The following SH3RF2 variants were observed in gnomAD, a reference collection of about 807,000 sequenced individuals.
SH3RF2 encodes the protein E3 ubiquitin-protein ligase SH3RF2.
In SH3RF2, 43 loss-of-function variants were observed where a neutral mutation model predicts 59.0. That is an observed-to-expected ratio of 0.73 (90% CI 0.57 to 0.94). The LOEUF is 0.94. Among genes scored for constraint, SH3RF2 ranks in the 40% least tolerant of loss-of-function variants. The pLI is 0.00. For synonymous variants in SH3RF2, 391 were observed against 391.5 expected (o/e 1.00, Z 0.01); for missense variants, 930 against 940.1 (o/e 0.99, Z 0.14).
chr5:146,022,037 C>G (rs1470808788), intron 5 of SH3RF2, among the ~76,000 whole-genome samples: 1 of 152,108 alleles, frequency 6.6e-6, no homozygotes, highest in African/African-American at 2.4e-5. Flanking sequence ...CAATCCCTAT[C>G]CTGTTATTTT....
intron 7 of SH3RF2, among the ~76,000 whole-genome samples, chr5:146,051,643 T>A (rs1762500375): frequency 6.6e-6 from 1 of 152,120 alleles, no homozygotes; most frequent in South Asian, 2.1e-4. Flanking sequence ...TAGTGACTGC[T>A]CCATAAAACG....
exon 10 of SH3RF2, chr5:146,081,690 T>C (rs1763427391): frequency 6.6e-6 from 1 of 152,198 alleles, no homozygotes; most frequent in African/African-American, 2.4e-5. Context: ...TTGCCAAAAA[T>C]ATGCATTCTT....
intron 5 of SH3RF2, among the ~76,000 whole-genome samples, chr5:146,030,686 C>T (rs1761709351): frequency 6.7e-6 from 1 of 149,868 alleles, no homozygotes; most frequent in Non-Finnish European, 1.5e-5. Context: ...GGTCCAAATG[C>T]ACCTGCTGCC....
exon 10 of SH3RF2, chr5:146,081,769 C>T (rs1763428589): frequency 6.6e-6 from 1 of 150,748 alleles, no homozygotes; most frequent in African/African-American, 2.4e-5. Context: ...TTTATTTTCA[C>T]TTAATAGGTT....
intron 2 of SH3RF2, among the ~76,000 whole-genome samples, chr5:145,980,289 G>A (rs569768237): frequency 1.6e-4 from 24 of 152,136 alleles, no homozygotes; most frequent in Non-Finnish European, 2.9e-4. Context: ...TTAGGTGTAT[G>A]TTTTTCCAGG....
intron 2 of SH3RF2, among the ~76,000 whole-genome samples, chr5:145,939,330 G>T (rs143264935): frequency 1.7e-3 from 258 of 152,354 alleles, no homozygotes; most frequent in African/African-American, 5.8e-3. Flanking sequence ...TGGCAGCAGT[G>T]TCCCACATCT....
chr5:146,036,660 A>C (rs1303980789), intron 5 of SH3RF2, among the ~76,000 whole-genome samples: 2 of 152,104 alleles, frequency 1.3e-5, no homozygotes, highest in African/African-American at 4.8e-5. Flanking sequence ...ACGTCACTGC[A>C]CTCCAGTCTG....
intron 5 of SH3RF2, among the ~76,000 whole-genome samples, chr5:146,045,278 C>T (rs1162345384): frequency 6.6e-6 from 1 of 152,198 alleles, no homozygotes; most frequent in African/African-American, 2.4e-5. Flanking sequence ...CTAAGAGTTC[C>T]TCAGGAGGGT....
At position 146,056,053 on chromosome 5, in the gene SH3RF2, G is replaced by A; in HGVS notation, c.1395G>A (p.Val465=). ...CATGGACGTTATCCACCTCCTCTGT[G>A]TCCTCCCAAGGCAGCATTTCAGAAG... is the stretch of plus-strand genomic sequence containing the variant. The part of the protein sequence containing the change: ...YTTWTLSTSS[V]SSQGSISEGD... The change falls in exon 8 of 10, where the codon GTG becomes GTA. Residue 465 remains valine (V), a synonymous_variant. Transcript: ENST00000359120. 6.2e-7 allele frequency: 1 copy of A among 1,614,200 alleles called. No homozygotes were observed. The highest frequency in any genetic ancestry group is 1.7e-5 in the Admixed American group (1 of 60,028).
At chr5:145,975,526 C>G (rs1034618155) in intron 2 of SH3RF2, among the ~76,000 whole-genome samples, 9 of 152,210 alleles carry the variant, frequency 5.9e-5, no homozygotes, top group African/African-American at 1.9e-4. Context: ...TGTGCTAGTC[C>G]TAGCTCCCAC....
chr5:145,959,746 G>A (rs1391296073), intron 2 of SH3RF2, among the ~76,000 whole-genome samples: 1 of 151,796 alleles, frequency 6.6e-6, no homozygotes, highest in Non-Finnish European at 1.5e-5. Flanking sequence ...AGGGCTGAAG[G>A]ACTGGTTTGA....
intron 5 of SH3RF2, among the ~76,000 whole-genome samples, chr5:146,042,409 T>A (rs1234507088): frequency 3.9e-5 from 6 of 152,192 alleles, no homozygotes; most frequent in African/African-American, 1.4e-4. Flanking sequence ...TGCTAAATAG[T>A]TTATATGGAT....
chr5:146,013,822 G>GT lies in SH3RF2; in HGVS notation c.821dup (p.Ser275ValfsTer13), dbSNP rs1761003813. The GT allele has an allele frequency of 6.2e-7, 1 of 1,613,994 alleles. No individual in the cohort carries two copies. The highest frequency in any genetic ancestry group is 8.5e-7 in the Non-Finnish European group (1 of 1,180,018). The stretch of plus-strand genomic sequence containing the variant: ...ATCCCGCACAAAAAACCTGTCCCTG[G>GT]TGTCCTCGTCCTCCAGAGGCAACAC... On this transcript the variant is annotated frameshift_variant, in exon 5 of 10. Coordinates refer to ENST00000359120, the MANE Select transcript of SH3RF2 (RefSeq NM_152550.4). LOFTEE classifies it high-confidence loss of function.
chr5:145,937,819 G>A lies in SH3RF2; in HGVS notation c.-106-4G>A, dbSNP rs1757653711. On this transcript the variant is annotated splice_polypyrimidine_tract_variant and splice_region_variant and intron_variant, in intron 1 of 9. Coordinates refer to ENST00000359120, the MANE Select transcript of SH3RF2 (RefSeq NM_152550.4). ...TTTTTCTCTCCTCTCCCTCCTTCAA[G>A]CAGGCAAAAATTCTGACGTTCTCAA... is the stretch of plus-strand genomic sequence containing the variant. 7.3e-7 allele frequency: 1 copy of A among 1,364,974 alleles called. No homozygotes were observed. Among genetic ancestry groups the A allele is most frequent in the African/African-American group, 1.5e-5 (1 of 68,562 alleles). The allele number at this position is 1,364,974 out of a possible 1,614,324, so 84.6% of individuals were successfully genotyped here. A position where few individuals can be genotyped will look rare whatever the true frequency, so the allele number is the denominator to read the frequency against.
rs78562450 is a variant in SH3RF2 at position 146,016,249 on chromosome 5, T to C, written c.1059+2188T>C. On this transcript the variant is annotated intron_variant, in intron 5 of 9. Coordinates refer to ENST00000359120, the MANE Select transcript of SH3RF2 (RefSeq NM_152550.4). ...AATGCTTGCAATGTGCTAGTAACCATAGTGAGTACTGGAGATTCTACTACC... is the reference window on the plus strand; with the variant it reads ...AATGCTTGCAATGTGCTAGTAACCACAGTGAGTACTGGAGATTCTACTACC... Among the ~76,000 whole-genome samples the C allele has an allele frequency of 4.6e-5, 7 of 152,294 alleles. No homozygotes were observed. In the East Asian group the frequency reaches 1.4e-3, roughly 29 times the overall value.
At chr5:145,941,635 A>G (rs575942758) in intron 2 of SH3RF2, among the ~76,000 whole-genome samples, 1 of 152,276 alleles carries the variant, frequency 6.6e-6, no homozygotes, top group African/African-American at 2.4e-5. Context: ...CTGATTTAGG[A>G]TAGGTGGTAA....
intron 2 of SH3RF2, among the ~76,000 whole-genome samples, chr5:145,960,795 A>T (rs1425347048): frequency 6.6e-6 from 1 of 152,230 alleles, no homozygotes; most frequent in Admixed American, 6.5e-5. Flanking sequence ...ACCTAGGAAG[A>T]ATATTAACAG....
chr5:145,964,443 A>T (rs534068252), intron 2 of SH3RF2, among the ~76,000 whole-genome samples: 89 of 151,682 alleles, frequency 5.9e-4, no homozygotes, highest in African/African-American at 2.1e-3. Flanking sequence ...AGTAGCTGAG[A>T]TCACAGACGC....
chr5:146,059,987 C>T lies in SH3RF2; in HGVS notation c.1677C>T (p.Ile559=). 6.3e-7 allele frequency: 1 copy of T among 1,586,554 alleles called. No homozygotes were observed. ...QQFQFYQPQG[I]PSSPSAVVVE... ...TCCAATTCTACCAGCCACAGGGGAT[C>T]CCCTCCTCCCCCTCAGCCGTGGTGG... Residue 559 remains isoleucine (I), a synonymous_variant, in exon 9 of 10, where the codon ATC becomes ATT. Coordinates refer to ENST00000359120, the MANE Select transcript of SH3RF2 (RefSeq NM_152550.4).
Sources: allele counts gnomAD v4.1 joint callset (sites outside exome capture counted in the v4.1 genomes callset), GRCh38; gene constraint gnomAD v4.1.1; transcripts MANE v1.5; gene names NCBI Gene and HGNC (gene_info 2026-07-23, HGNC 2026-07-21).